The following SEC63 variants were observed in gnomAD, a reference collection of about 807,000 sequenced individuals.
SEC63 encodes translocation protein SEC63 homolog.
A neutral mutation model predicts 116.2 loss-of-function variants in SEC63; 56 were observed. That is an observed-to-expected ratio of 0.48 (90% confidence interval 0.39 to 0.60). SEC63 has a LOEUF of 0.60. Among genes scored for constraint, SEC63 ranks in the 20% least tolerant of loss-of-function variants. SEC63 has a pLI of 0.00. For missense variants in SEC63, 668 were observed against 900.0 expected, an observed-to-expected ratio of 0.74 and a Z score of 3.30; for synonymous variants, 273 against 294.6, an observed-to-expected ratio of 0.93 and a Z score of 0.75.
intron 1 of SEC63, among the ~76,000 whole-genome samples, chr6:107,930,820 C>T (rs189714190): frequency 2.0e-5 from 3 of 151,308 alleles, no homozygotes; most frequent in African/African-American, 7.3e-5. Flanking sequence ...CATGGCAAAA[C>T]CCCATCTCTA....
intron 1 of SEC63, among the ~76,000 whole-genome samples, chr6:107,944,211 A>G (rs1309089678): frequency 6.6e-6 from 1 of 152,208 alleles, no homozygotes; most frequent in Non-Finnish European, 1.5e-5. Context: ...GACTCCCAAG[A>G]CTTCTTTCCT....
At chr6:107,901,628 G>C (rs1787006711) in intron 12 of SEC63, 111 bp from the exon 13 acceptor site, 1 of 750,018 alleles carries the variant, frequency 1.3e-6, no homozygotes, top group Non-Finnish European at 2.2e-6. Context: ...TTTTAGAAAA[G>C]TGTTGATTAA....
At chr6:107,879,027 TACA>T (rs1786344983) in intron 18 of SEC63, among the ~76,000 whole-genome samples, 1 of 152,206 alleles carries the variant, frequency 6.6e-6, no homozygotes, top group Non-Finnish European at 1.5e-5. Context: ...ACGCATTAAA[TACA>T]ATAGACGAAT....
At chr6:107,934,002 C>T (rs923692183) in intron 1 of SEC63, among the ~76,000 whole-genome samples, 5 of 152,234 alleles carry the variant, frequency 3.3e-5, no homozygotes, top group African/African-American at 1.2e-4. Context: ...GGTTTGCAGA[C>T]GGAGTCTGGT....
chr6:107,950,384 A>T (rs953568114), intron 1 of SEC63, among the ~76,000 whole-genome samples: 3 of 152,330 alleles, frequency 2.0e-5, no homozygotes, highest in South Asian at 2.1e-4. Flanking sequence ...ACCAAAAAGA[A>T]GATAAGGAAA....
intron 1 of SEC63, among the ~76,000 whole-genome samples, chr6:107,951,057 T>C (rs1316197132): frequency 6.6e-6 from 1 of 152,182 alleles, no homozygotes; most frequent in Non-Finnish European, 1.5e-5. Flanking sequence ...CAAATAATGG[T>C]TGGATTGAAA....
chr6:107,874,430 TAA>T (rs1038039301), intron 19 of SEC63, among the ~76,000 whole-genome samples: 1 of 151,564 alleles, frequency 6.6e-6, no homozygotes, highest in Non-Finnish European at 1.5e-5. Flanking sequence ...CCGTCTCTAC[TAA>T]AAAAATATAA....
At chr6:107,932,483 G>A (rs557077634) in intron 1 of SEC63, among the ~76,000 whole-genome samples, 13 of 152,298 alleles carry the variant, frequency 8.5e-5, no homozygotes, top group Non-Finnish European at 1.5e-4. Flanking sequence ...ATCAGGAAGA[G>A]GGAGAGATCC....
At chr6:107,949,686 G>A (rs561789088) in intron 1 of SEC63, among the ~76,000 whole-genome samples, 147 of 152,266 alleles carry the variant, frequency 9.7e-4, no homozygotes, top group African/African-American at 3.3e-3. Flanking sequence ...TTGGAGTGCA[G>A]TGACATGATC....
chr6:107,901,592 T>C (rs953722481), intron 12 of SEC63, 75 bp from the exon 13 acceptor site: 3 of 1,074,068 alleles, frequency 2.8e-6, no homozygotes, highest in Non-Finnish European at 4.1e-6. Context: ...ATTACTCACA[T>C]GTTAACCACA....
At chr6:107,911,711 T>C (rs1214154316) in intron 6 of SEC63, among the ~76,000 whole-genome samples, 2 of 152,182 alleles carry the variant, frequency 1.3e-5, no homozygotes, top group Non-Finnish European at 2.9e-5. Context: ...AAATTACCTT[T>C]TAATTTTTTA....
intron 1 of SEC63, among the ~76,000 whole-genome samples, chr6:107,949,715 G>A (rs572314532): frequency 6.6e-5 from 10 of 152,212 alleles, no homozygotes; most frequent in African/African-American, 2.4e-4. Flanking sequence ...CTGCAGCCTC[G>A]ATCTCCTGGG....
At chr6:107,920,563 C>G (rs966491629) in intron 4 of SEC63, among the ~76,000 whole-genome samples, 13 of 151,570 alleles carry the variant, frequency 8.6e-5, no homozygotes, top group African/African-American at 3.2e-4. Flanking sequence ...TGCTTTATTG[C>G]AGGAGACTGG....
At chr6:107,883,417 C>T (rs1415021073) in intron 16 of SEC63, 1 of 388,498 alleles carries the variant, frequency 2.6e-6, no homozygotes, top group Non-Finnish European at 4.7e-6. Flanking sequence ...ATTTGCAAAG[C>T]CCAATAACAC....
intron 1 of SEC63, among the ~76,000 whole-genome samples, chr6:107,951,214 G>C (rs1397432761): frequency 1.3e-5 from 2 of 152,112 alleles, no homozygotes; most frequent in African/African-American, 4.8e-5. Context: ...GTAGTGTTAA[G>C]GTAATTATGT....
intron 18 of SEC63, 66 bp downstream of exon 18, chr6:107,881,083 C>G: frequency 8.5e-7 from 1 of 1,180,838 alleles, no homozygotes; most frequent in Non-Finnish European, 1.3e-6. Flanking sequence ...GGCTAAAAGT[C>G]AACTGACAAA....
At chr6:107,902,120 T>C (rs531805207) in intron 12 of SEC63, among the ~76,000 whole-genome samples, 6 of 152,278 alleles carry the variant, frequency 3.9e-5, no homozygotes, top group African/African-American at 1.2e-4. Context: ...GATTAGATCA[T>C]GAGGCATGTA....
chr6:107,948,430 G>A (rs953980313), intron 1 of SEC63, among the ~76,000 whole-genome samples: 15 of 152,116 alleles, frequency 9.9e-5, no homozygotes, highest in African/African-American at 1.9e-4. Flanking sequence ...AAGTGCTACC[G>A]TGAGTGCATT....
chr6:107,950,066 A>T (rs1225347775), intron 1 of SEC63, among the ~76,000 whole-genome samples: 1 of 152,226 alleles, frequency 6.6e-6, no homozygotes, highest in Non-Finnish European at 1.5e-5. Context: ...ATCCAAAGAC[A>T]CAAACAGATT....
Sources: allele counts gnomAD v4.1 joint callset (sites outside exome capture counted in the v4.1 genomes callset), GRCh38; gene constraint gnomAD v4.1.1; transcripts MANE v1.5; gene names NCBI Gene and HGNC (gene_info 2026-07-23, HGNC 2026-07-21).